Variants in CSMD3 observed in about 807,000 individuals in gnomAD.
CSMD3 encodes the protein CUB and sushi domain-containing protein 3.
CSMD3 carries 177 observed loss-of-function variants against 435.2 expected under a neutral mutation model. The ratio of observed to expected loss-of-function variants is 0.41; its 90% confidence interval spans 0.36 to 0.46. The LOEUF (loss-of-function observed/expected upper bound fraction) is 0.46. Ranked by LOEUF, CSMD3 falls within the 20% of genes least tolerant of loss-of-function variation. The pLI, the probability that CSMD3 is intolerant of heterozygous loss-of-function variation, is 0.34. For missense variants in CSMD3, 4,265 were observed against 4,504.6 expected, an observed-to-expected ratio of 0.95 and a Z score of 1.52; for synonymous variants, 1,656 against 1,520.5, an observed-to-expected ratio of 1.09 and a Z score of -2.07.
intron 10 of CSMD3, among the ~76,000 whole-genome samples, chr8:112,863,385 A>T (rs1175869744): frequency 6.6e-6 from 1 of 151,860 alleles, no homozygotes; most frequent in African/African-American, 2.4e-5. Context: ...CATTTATAGT[A>T]AATTCTATAT....
Position 112,656,360 on chromosome 8 carries a change from T to C in CSMD3, c.2817-19A>G, listed in dbSNP as rs776502502. 1.0e-5 allele frequency: 16 copies of C among 1,577,356 alleles called. No individual in the cohort carries two copies. The highest frequency in any genetic ancestry group is 1.2e-5 in the Non-Finnish European group (14 of 1,147,680). ...CTGAAATCTAAGATTAAAAGACACA[T>C]GTGAAAATATATTTAGAATTAACAC... On this transcript the variant is annotated intron_variant, in intron 17 of 70. Transcript: ENST00000297405.
intron 1 of CSMD3, among the ~76,000 whole-genome samples, chr8:113,405,932 A>G (rs2094530785): frequency 6.6e-6 from 1 of 151,808 alleles, no homozygotes. Context: ...TTTAGAGGAT[A>G]TCAAGCTGTT....
At chr8:113,102,778 A>T (rs1326438018) in intron 4 of CSMD3, among the ~76,000 whole-genome samples, 1 of 152,130 alleles carries the variant, frequency 6.6e-6, no homozygotes, top group Non-Finnish European at 1.5e-5. Context: ...CTGGTACCAA[A>T]TCCAATTGGA....
intron 3 of CSMD3, among the ~76,000 whole-genome samples, chr8:113,269,998 A>C (rs1477032837): frequency 1.3e-5 from 2 of 151,488 alleles, no homozygotes; most frequent in Non-Finnish European, 3.0e-5. Context: ...CTGCACAGCA[A>C]AAGAAACTAC....
intron 3 of CSMD3, among the ~76,000 whole-genome samples, chr8:113,179,527 AT>A (rs1318625444): frequency 2.6e-5 from 4 of 151,768 alleles, no homozygotes; most frequent in Non-Finnish European, 5.9e-5. Flanking sequence ...TCAGCAGAAA[AT>A]TTGTATAAAC....
chr8:112,740,850 C>T (rs758477077), intron 13 of CSMD3, among the ~76,000 whole-genome samples: 1 of 151,818 alleles, frequency 6.6e-6, no homozygotes, highest in Non-Finnish European at 1.5e-5. Flanking sequence ...GTAAGAGCAA[C>T]AGGTTTAGGA....
intron 1 of CSMD3, among the ~76,000 whole-genome samples, chr8:113,374,652 T>C (rs1588622701): frequency 6.6e-6 from 1 of 151,992 alleles, no homozygotes; most frequent in East Asian, 1.9e-4. Context: ...TCGATATTAC[T>C]TATAATATTT....
chr8:112,689,925 T>A lies in CSMD3; in HGVS notation c.2098A>T (p.Lys700Ter), dbSNP rs1272046399. 1.2e-6 allele frequency: 2 copies of A among 1,613,238 alleles called. No homozygotes were observed. Among genetic ancestry groups the A allele is most frequent in the Non-Finnish European group, 1.7e-6 (2 of 1,179,510 alleles). ...TTATTCTCTTGACAAACAATGGATT[T>A]CTCTCCAATTAATTCAAACCCAAAC... The part of the protein sequence containing the change: ...CQFGFELIGE[K>*]SIVCQENNQW... Residue 700 changes from lysine (K) to a stop codon, truncating the protein, a stop_gained, in exon 14 of 71, where the codon AAA (lysine) becomes TAA (stop). Transcript: ENST00000297405. LOFTEE classifies it high-confidence loss of function.
chr8:112,574,934 A>G (rs1334872545), intron 23 of CSMD3, among the ~76,000 whole-genome samples: 1 of 151,946 alleles, frequency 6.6e-6, no homozygotes, highest in Non-Finnish European at 1.5e-5. Context: ...GCCATAGCAT[A>G]AATGTTCCTC....
At chr8:112,902,606 A>G (rs1025461429) in intron 10 of CSMD3, among the ~76,000 whole-genome samples, 2 of 151,262 alleles carry the variant, frequency 1.3e-5, no homozygotes, top group African/African-American at 4.8e-5. Flanking sequence ...TGTTAAAACT[A>G]ACATGAACCT....
chr8:112,412,751 A>C (rs1490962835), intron 32 of CSMD3, among the ~76,000 whole-genome samples: 1 of 152,112 alleles, frequency 6.6e-6, no homozygotes, highest in African/African-American at 2.4e-5. Flanking sequence ...TATTAATTCC[A>C]CCAGCATTAG....
chr8:112,732,699 CAA>C (rs34891739), intron 13 of CSMD3, among the ~76,000 whole-genome samples: 10 of 97,176 alleles, frequency 1.0e-4, no homozygotes, highest in Non-Finnish European at 7.0e-5. Flanking sequence ...GACTCCATCT[CAA>C]AAAAAAAAAA....
chr8:112,977,644 T>C lies in CSMD3; in HGVS notation c.1031-1496A>G, dbSNP rs143999445. On this transcript the variant is annotated intron_variant, in intron 6 of 70. Coordinates refer to ENST00000297405, the MANE Select transcript of CSMD3 (RefSeq NM_198123.2). ...CAGGTTGAGTCGTCATATCTGAATT[T>C]GATTCTAGAAATTCAGAAGTATTAA... Among the ~76,000 whole-genome samples, 159 of 152,160 alleles carry C rather than the reference T, an allele frequency of 1.0e-3. 1 individual carries two copies. Among genetic ancestry groups the C allele is most frequent in the Non-Finnish European group, 1.6e-3 (112 of 67,980 alleles).
intron 7 of CSMD3, among the ~76,000 whole-genome samples, chr8:112,974,134 G>T (rs921073102): frequency 2.0e-4 from 30 of 151,918 alleles, no homozygotes; most frequent in Admixed American, 2.0e-3. Flanking sequence ...ATCTACCCGG[G>T]AAGTACTCTT....
chr8:112,322,918 A>G (rs1298727077), intron 45 of CSMD3, among the ~76,000 whole-genome samples: 8 of 152,034 alleles, frequency 5.3e-5, no homozygotes, highest in Admixed American at 4.6e-4. Flanking sequence ...AATTCAACTA[A>G]TATTTGCTAA....
intron 40 of CSMD3, among the ~76,000 whole-genome samples, chr8:112,347,252 T>C (rs1424033822): frequency 6.6e-6 from 1 of 152,170 alleles, no homozygotes. Flanking sequence ...CTTGAGCATA[T>C]ATGAAAGGCA....
intron 16 of CSMD3, among the ~76,000 whole-genome samples, chr8:112,668,669 T>C (rs2075583849): frequency 6.6e-6 from 1 of 152,106 alleles, no homozygotes. Context: ...CTTATGACAT[T>C]TTCTGAAGTA....
intron 5 of CSMD3, among the ~76,000 whole-genome samples, chr8:113,070,522 T>C (rs2089063632): frequency 6.6e-6 from 1 of 152,024 alleles, no homozygotes; most frequent in Non-Finnish European, 1.5e-5. Flanking sequence ...TTGTTAGTCA[T>C]CATTACCATG....
rs1267501612 is a variant in CSMD3, at chr8:112,506,765, T to C, written c.4821A>G (p.Pro1607=). 1.9e-6 allele frequency: 3 copies of C among 1,613,630 alleles called. No individual in the cohort carries two copies. Among genetic ancestry groups the C allele is most frequent in the Middle Eastern group, 1.7e-4 (1 of 6,060 alleles). The part of the protein sequence containing the change: ...GFILSPNFPH[P]YPHSRDCDWT... ...AGTCACAGTCTCTGCTATGCGGATA[T>C]GGATGAGGGAAGTTTGGTGAAAGAA... Residue 1607 remains proline (P), a synonymous_variant, in exon 29 of 71, where the codon CCA becomes CCG. Transcript: ENST00000297405.
Sources: gnomAD v4.1 joint callset for allele counts (sites outside exome capture counted in the v4.1 genomes callset) on GRCh38, gnomAD v4.1.1 for gene constraint, MANE v1.5 for transcripts, NCBI Gene and HGNC (gene_info 2026-07-23, HGNC 2026-07-21) for gene names.